ACOXL: variants seen among roughly 807,000 people sequenced by gnomAD.
The protein encoded by ACOXL is acyl-CoA oxidase like.
In ACOXL, 70 loss-of-function variants were observed where a neutral mutation model predicts 71.9. The ratio of observed to expected loss-of-function variants is 0.97; its 90% CI spans 0.80 to 1.19. ACOXL has a LOEUF of 1.19. ACOXL is among the 50% of genes most tolerant of loss of function. ACOXL has a pLI of 0.00. For missense variants in ACOXL, 703 were observed against 736.3 expected (o/e 0.95, Z 0.52); for synonymous variants, 253 against 281.6 (o/e 0.90, Z 1.02).
chr2:110,781,668 TA>T (rs1162481258), intron 2 of ACOXL, among the ~76,000 whole-genome samples: 3 of 149,982 alleles, frequency 2.0e-5, no homozygotes, highest in South Asian at 4.2e-4. Context: ...TAAATAAATA[TA>T]AAAAAAGAAA....
At chr2:111,109,669 C>CTG (rs1392518341) in intron 17 of ACOXL, among the ~76,000 whole-genome samples, 4 of 83,164 alleles carry the variant, frequency 4.8e-5, no homozygotes, top group Non-Finnish European at 7.5e-5. Flanking sequence ...TTTTCTCCTT[C>CTG]TATTTTTTTT....
At chr2:111,104,841 C>A (rs923670192) in intron 17 of ACOXL, among the ~76,000 whole-genome samples, 1 of 152,068 alleles carries the variant, frequency 6.6e-6, no homozygotes, top group African/African-American at 2.4e-5. Context: ...CTAATTTATC[C>A]ATTTTTCCTT....
intron 10 of ACOXL, among the ~76,000 whole-genome samples, chr2:110,907,110 C>T (rs1388826134): frequency 6.6e-6 from 1 of 152,218 alleles, no homozygotes; most frequent in Non-Finnish European, 1.5e-5. Flanking sequence ...GTTCTGGAGA[C>T]TGCAAGTCAA....
intron 10 of ACOXL, among the ~76,000 whole-genome samples, chr2:110,904,038 T>A (rs1362256260): frequency 6.6e-6 from 1 of 152,212 alleles, no homozygotes; most frequent in East Asian, 1.9e-4. Flanking sequence ...GCCCTCAGTG[T>A]CATTCCTCCT....
rs188451125 is a variant in ACOXL at position 110,941,760 on chromosome 2, G to T, written c.1059+8118G>T. 3.0e-4 allele frequency among the ~76,000 whole-genome samples: 45 copies of T among 152,222 alleles called. No homozygotes were observed. In the East Asian group the frequency reaches 5.2e-3, roughly 18 times the overall value. On this transcript the variant is annotated intron_variant, in intron 12 of 17. Transcript: ENST00000439055. ...TAAAGGTATAACAAAGATATTTTCA[G>T]ACTTGCAAAACTTGAGATAATTCAT...
intron 10 of ACOXL, among the ~76,000 whole-genome samples, chr2:110,880,752 G>A: frequency 6.6e-6 from 1 of 152,146 alleles, no homozygotes; most frequent in South Asian, 2.1e-4. Context: ...GGCCAAGATT[G>A]GAGTGAGCTG....
At chr2:111,103,760 T>C (rs569103659) in intron 17 of ACOXL, among the ~76,000 whole-genome samples, 3 of 150,622 alleles carry the variant, frequency 2.0e-5, no homozygotes, top group East Asian at 4.1e-4. Flanking sequence ...AAAGTTATTC[T>C]GTGATTTTTT....
chr2:110,879,982 C>T (rs1486124196), intron 10 of ACOXL, among the ~76,000 whole-genome samples: 1 of 151,698 alleles, frequency 6.6e-6, no homozygotes, highest in African/African-American at 2.4e-5. Context: ...CCCGTCTCTA[C>T]TAAAAATACA....
Position 111,049,238 on chromosome 2 carries a change from C to T in ACOXL, c.1390C>T (p.Leu464=). Residue 464 remains leucine, a synonymous_variant, in exon 16 of 18, where the codon CTA becomes TTA. Transcript: ENST00000439055. ...TCCAGTTACCTTAGAGCAGTTCTCC[C>T]TAGCAGTGAAGAGCTGTCCTGACCA... ...THRVTLEQFS[L]AVKSCPDQED... is the part of the protein sequence containing the mutation. 1 of 1,612,432 alleles carries T rather than the reference C, an allele frequency of 6.2e-7. No homozygotes were observed. The highest frequency in any genetic ancestry group is 8.5e-7 in the Non-Finnish European group (1 of 1,178,464).
intron 10 of ACOXL, among the ~76,000 whole-genome samples, chr2:110,892,001 C>G (rs1157455357): frequency 6.6e-6 from 1 of 152,082 alleles, no homozygotes; most frequent in Non-Finnish European, 1.5e-5. Flanking sequence ...AGATCTTACA[C>G]AAAAACTCAG....
chr2:111,105,729 T>C (rs1465028960), intron 17 of ACOXL, among the ~76,000 whole-genome samples: 1 of 152,186 alleles, frequency 6.6e-6, no homozygotes, highest in East Asian at 1.9e-4. Flanking sequence ...CTCAACTTGT[T>C]GAATCTAGAA....
At chr2:110,878,628 G>A (rs961444248) in intron 10 of ACOXL, among the ~76,000 whole-genome samples, 27 of 152,072 alleles carry the variant, frequency 1.8e-4, no homozygotes, top group Admixed American at 1.8e-3. Flanking sequence ...AGCTGGGCAC[G>A]GTGGTGCAAG....
intron 10 of ACOXL, among the ~76,000 whole-genome samples, chr2:110,878,078 A>G (rs560763176): frequency 1.3e-5 from 2 of 152,338 alleles, no homozygotes; most frequent in East Asian, 3.9e-4. Flanking sequence ...AACAATCCCC[A>G]TCCTTTCTGA....
chr2:110,846,644 C>CACACACACACACAT (rs1691897795), intron 10 of ACOXL, among the ~76,000 whole-genome samples: 1 of 145,508 alleles, frequency 6.9e-6, no homozygotes, highest in Non-Finnish European at 1.5e-5. Flanking sequence ...CATACACGCA[C>CACACACACACACAT]ACACACACAC....
At chr2:111,092,841 C>A (rs779451193) in intron 16 of ACOXL, 24 bp from the exon 17 acceptor site, 13 of 1,551,316 alleles carry the variant, frequency 8.4e-6, no homozygotes, top group Non-Finnish European at 1.2e-5. Flanking sequence ...TTGTCCATTT[C>A]TTTTGTTTTC....
intron 3 of ACOXL, among the ~76,000 whole-genome samples, chr2:110,792,531 T>C (rs1684776275): frequency 6.6e-6 from 1 of 152,214 alleles, no homozygotes; most frequent in African/African-American, 2.4e-5. Context: ...GGCTCATGCC[T>C]GTAATCCCAG....
chr2:110,989,878 T>C (rs988041676), intron 13 of ACOXL, among the ~76,000 whole-genome samples: 1 of 152,024 alleles, frequency 6.6e-6, no homozygotes, highest in Non-Finnish European at 1.5e-5. Context: ...CCGTCTCTAC[T>C]AAAAACATAA....
chr2:111,094,884 T>C (rs1283241329), intron 17 of ACOXL, among the ~76,000 whole-genome samples: 2 of 152,166 alleles, frequency 1.3e-5, no homozygotes, highest in African/African-American at 2.4e-5. Context: ...GGTAATTGTC[T>C]CCTTCCATGT....
chr2:110,844,039 G>T (rs2105778087), intron 10 of ACOXL, among the ~76,000 whole-genome samples: 1 of 152,346 alleles, frequency 6.6e-6, no homozygotes, highest in East Asian at 1.9e-4. Flanking sequence ...AAGGCTGCCT[G>T]CAGCAGCTGG....
Sources: allele counts gnomAD v4.1 joint callset (sites outside exome capture counted in the v4.1 genomes callset), GRCh38; gene constraint gnomAD v4.1.1; transcripts MANE v1.5; gene names NCBI Gene and HGNC (gene_info 2026-07-23, HGNC 2026-07-21).